Variants in ANK3 observed in about 807,000 individuals in gnomAD.
The protein encoded by ANK3 is ankyrin 3.
In ANK3, 57 loss-of-function variants were observed where a neutral mutation model predicts 370.9. The observed-to-expected ratio is 0.15, with a 90% CI of 0.12 to 0.19. ANK3 has a LOEUF of 0.19. Ranked by LOEUF, ANK3 falls within the 10% of genes least tolerant of loss-of-function variation. ANK3 has a pLI of 1.00. For synonymous variants in ANK3, 1,929 were observed against 1,946.3 expected (o/e 0.99, Z 0.23); for missense variants, 4,439 against 5,302.1 (o/e 0.84, Z 5.06).
In ANK3 at chr10:60,134,340, G is replaced by A; in HGVS notation, c.2772C>T (p.Thr924=). The part of the protein sequence containing the change: ...LRSFSSDRSY[T]LNRSSYARDS... ...CCCGTGCATAGGAGCTTCTGTTCAA[G>A]GTGTAAGACCTATCCGAACTGAAGG... is the stretch of plus-strand genomic sequence containing the variant. The change falls in exon 25 of 44, where the codon ACC becomes ACT. Residue 924 remains threonine, a synonymous_variant. Coordinates refer to ENST00000280772, the MANE Select transcript of ANK3 (RefSeq NM_020987.5). 6.2e-7 allele frequency: 1 copy of A among 1,613,802 alleles called. No homozygotes were observed. Among genetic ancestry groups the A allele is most frequent in the East Asian group, 2.2e-5 (1 of 44,826 alleles).
chr10:60,344,310 T>G (rs1451825376), intron 1 of ANK3, among the ~76,000 whole-genome samples: 1 of 152,244 alleles, frequency 6.6e-6, no homozygotes, highest in Non-Finnish European at 1.5e-5. Context: ...CCACATTTCT[T>G]GGATGCTAAG....
chr10:60,347,702 G>C (rs1006618365), intron 1 of ANK3, among the ~76,000 whole-genome samples: 1 of 152,012 alleles, frequency 6.6e-6, no homozygotes, highest in Admixed American at 6.6e-5. Context: ...TATATCACTA[G>C]ACCTATTCGT....
chr10:60,431,906 T>C (rs976282172), intron 2 of ANK3, among the ~76,000 whole-genome samples: 9 of 152,210 alleles, frequency 5.9e-5, no homozygotes, highest in African/African-American at 2.2e-4. Flanking sequence ...GACTCATTCC[T>C]TTCCATCTGT....
chr10:60,140,549 A>G, intron 23 of ANK3: 2 of 1,407,478 alleles, frequency 1.4e-6, no homozygotes, highest in Non-Finnish European at 1.8e-6. Context: ...GAGGAATTAT[A>G]CATCTTTCCC....
intron 36 of ANK3, 56 bp from the exon 37 acceptor site, chr10:60,076,504 GAAAC>G (rs2083857150): frequency 1.3e-6 from 2 of 1,510,026 alleles, no homozygotes; most frequent in Admixed American, 2.3e-5. Flanking sequence ...AAATGGTTGA[GAAAC>G]AGAGAGACCA....
At chr10:60,705,215 C>G (rs2079598124) in intron 1 of ANK3, among the ~76,000 whole-genome samples, 1 of 151,922 alleles carries the variant, frequency 6.6e-6, no homozygotes, top group South Asian at 2.1e-4. Context: ...GAATTCTTTC[C>G]CTAACATACC....
chr10:60,731,297 A>C (rs2080018930), intron 1 of ANK3, among the ~76,000 whole-genome samples: 1 of 152,208 alleles, frequency 6.6e-6, no homozygotes, highest in Non-Finnish European at 1.5e-5. Context: ...CACCACCACA[A>C]AAATGCAAAC....
chr10:60,261,460 C>A (rs2097803252), intron 7 of ANK3, among the ~76,000 whole-genome samples: 1 of 152,182 alleles, frequency 6.6e-6, no homozygotes, highest in South Asian at 2.1e-4. Context: ...AGGCCTCACC[C>A]AGGTATTCCA....
At chr10:60,565,955 G>T (rs1181638509) in intron 2 of ANK3, among the ~76,000 whole-genome samples, 1 of 152,116 alleles carries the variant, frequency 6.6e-6, no homozygotes, top group Non-Finnish European at 1.5e-5. Context: ...ACAACTTAAA[G>T]GTTTATGGCA....
chr10:60,067,093 T>C (rs2050004900), intron 38 of ANK3, among the ~76,000 whole-genome samples: 1 of 152,182 alleles, frequency 6.6e-6, no homozygotes, highest in African/African-American at 2.4e-5. Flanking sequence ...CTAATTTTTG[T>C]ATTTTTAGTA....
intron 1 of ANK3, among the ~76,000 whole-genome samples, chr10:60,654,667 A>C (rs992614057): frequency 6.6e-6 from 1 of 152,194 alleles, no homozygotes; most frequent in East Asian, 1.9e-4. Flanking sequence ...CCTTTAAAAA[A>C]TATATTATTG....
At chr10:60,149,241 T>G (rs1414985925) in intron 23 of ANK3, among the ~76,000 whole-genome samples, 1 of 152,144 alleles carries the variant, frequency 6.6e-6, no homozygotes, top group Non-Finnish European at 1.5e-5. Context: ...GGGACATCTT[T>G]CCTGGGCTCC....
At chr10:60,403,264 T>A (rs1336389996) in intron 2 of ANK3, among the ~76,000 whole-genome samples, 1 of 152,180 alleles carries the variant, frequency 6.6e-6, no homozygotes, top group African/African-American at 2.4e-5. Context: ...TGGTTTCTAT[T>A]GAACATTTTG....
chr10:60,627,075 C>T (rs1411697118), intron 1 of ANK3, among the ~76,000 whole-genome samples: 2 of 151,858 alleles, frequency 1.3e-5, no homozygotes, highest in Admixed American at 1.3e-4. Context: ...GAGAAAGGCC[C>T]GAAAGTAGTG....
chr10:60,208,232 T>C lies in ANK3; in HGVS notation c.998A>G (p.Asn333Ser), dbSNP rs757410572. ...RAAPILSKTK[N>S]GLSPLHMATQ... ...GGCCATGTGCAATGGAGATAATCCA[T>C]TCTGGAACACATAAAGAAATCAGAG... Residue 333 changes from asparagine (N) to serine (S), a missense_variant and splice_region_variant, in exon 10 of 44, where the codon AAT becomes AGT. Asn to Ser is a conservative substitution (Grantham distance 46). This residue lies in a region of ANK3 where 227 missense variants were observed against 377.6 expected (regional missense o/e 0.60). Coordinates refer to ENST00000280772, the MANE Select transcript of ANK3 (RefSeq NM_020987.5). 1 of 1,613,820 alleles carries C rather than the reference T, an allele frequency of 6.2e-7. No individual in the cohort carries two copies. Among genetic ancestry groups the C allele is most frequent in the East Asian group, 2.2e-5 (1 of 44,880 alleles).
At chr10:60,470,620 T>C (rs1276454442) in intron 2 of ANK3, among the ~76,000 whole-genome samples, 1 of 152,044 alleles carries the variant, frequency 6.6e-6, no homozygotes. Context: ...GGCTGGTCAG[T>C]GATAGGCACA....
rs117043753 is a variant in ANK3, at chr10:60,293,249, G to A, written c.115-13610C>T. ...GATCCGCTGGCATTCATCTCATCAC[G>A]CCTTCATTTATCATCTTGTGATAGC... On this transcript the variant is annotated intron_variant, in intron 1 of 43. Coordinates refer to ENST00000280772, the MANE Select transcript of ANK3 (RefSeq NM_020987.5). Among the ~76,000 whole-genome samples the A allele has an allele frequency of 2.4e-3, 366 of 152,126 alleles. 2 individuals are homozygous for A. Among genetic ancestry groups the A allele is most frequent in the Middle Eastern group, 0.024 (7 of 294 alleles).
intron 1 of ANK3, among the ~76,000 whole-genome samples, chr10:60,292,342 A>G (rs987027327): frequency 1.3e-5 from 2 of 152,124 alleles, no homozygotes; most frequent in Non-Finnish European, 2.9e-5. Flanking sequence ...GCATGAGAGA[A>G]ATAGTAATAT....
chr10:60,416,017 G>A (rs577510084), intron 2 of ANK3, among the ~76,000 whole-genome samples: 1 of 147,584 alleles, frequency 6.8e-6, no homozygotes, highest in South Asian at 2.2e-4. Context: ...TGAGGGTGGA[G>A]TCCTCATGAA....
Sources: gnomAD v4.1 joint callset for allele counts (sites outside exome capture counted in the v4.1 genomes callset) on GRCh38, gnomAD v4.1.1 for gene constraint, gnomAD v4.1.1 regional missense constraint, MANE v1.5 for transcripts, NCBI Gene and HGNC (gene_info 2026-07-23, HGNC 2026-07-21) for gene names.